Variants in C11orf65 observed in about 807,000 individuals in gnomAD.
C11orf65 encodes protein MFI.
In C11orf65, 38 loss-of-function variants were observed where a neutral mutation model predicts 35.3. The ratio of observed to expected loss-of-function variants is 1.08; its 90% CI spans 0.83 to 1.41. C11orf65 has a LOEUF of 1.41. Among genes scored for constraint, C11orf65 ranks in the 40% most tolerant of loss-of-function variants. C11orf65 has a pLI of 0.00. For missense variants in C11orf65, 370 were observed against 367.1 expected (o/e 1.01, Z -0.06); for synonymous variants, 105 against 114.4 (o/e 0.92, Z 0.53).
At chr11:108,378,460 C>T (rs1235168168), downstream of C11orf65, among the ~76,000 whole-genome samples, 18 of 135,338 alleles carry the variant, frequency 1.3e-4, no homozygotes, top group Non-Finnish European at 2.3e-4. Flanking sequence ...CCCTTCCTTA[C>T]ACCTTATACA....
chr11:108,322,875 C>T (rs1369724703), intron 6 of C11orf65, among the ~76,000 whole-genome samples: 1 of 151,344 alleles, frequency 6.6e-6, no homozygotes, highest in Admixed American at 6.6e-5. Context: ...TTTATCTCTG[C>T]CTTGCTACTA....
chr11:108,406,766 A>G lies in C11orf65; in HGVS notation c.426T>C (p.Asp142=), dbSNP rs1196865010. The G allele has an allele frequency of 2.1e-5, 34 of 1,589,926 alleles. No homozygotes were observed. Among genetic ancestry groups the G allele is most frequent in the African/African-American group, 2.7e-5 (2 of 74,650 alleles). ...IENNGWRPVS[D]TFWLSTDGMV... is the part of the protein sequence containing the mutation. ...ATTAACATTTCTCTTTTCTTACTGT[A>G]TCAGAAACTGGCCTCCAGCCATTGT... Residue 142 remains aspartate, a synonymous_variant, in exon 5 of 9, where the codon GAT becomes GAC. Coordinates refer to ENST00000393084, the MANE Select transcript of C11orf65 (RefSeq NM_152587.5).
At chr11:108,324,959 G>A (rs569408974) in intron 6 of C11orf65, among the ~76,000 whole-genome samples, 39 of 152,210 alleles carry the variant, frequency 2.6e-4, no homozygotes, top group African/African-American at 9.1e-4. Flanking sequence ...TATTGAAGCA[G>A]GACTAAAGAT....
intron 2 of C11orf65, among the ~76,000 whole-genome samples, chr11:108,437,707 TAAAAAAAAAAAAAAAAAAA>T (rs145337876): frequency 7.9e-5 from 3 of 38,032 alleles, no homozygotes; most frequent in African/African-American, 1.4e-4. Context: ...GACTCAGTCT[TAAAAAAAAAAAAAAAAAAA>T]AAAAAAAAAA....
At chr11:108,398,462 G>C (rs993171896) in intron 6 of C11orf65, among the ~76,000 whole-genome samples, 1 of 152,238 alleles carries the variant, frequency 6.6e-6, no homozygotes, top group Admixed American at 6.5e-5. Flanking sequence ...CGGAAGATTA[G>C]AAATTCAGTT....
In C11orf65 at chr11:108,431,797, T is replaced by TA; in HGVS notation, c.122dup (p.Leu41PhefsTer15). The TA allele has an allele frequency of 6.5e-7, 1 of 1,530,002 alleles. No individual in the cohort carries two copies. Among genetic ancestry groups the TA allele is most frequent in the Middle Eastern group, 1.8e-4 (1 of 5,692 alleles). The allele number at this position is 1,530,002 out of a possible 1,614,324, so 94.8% of individuals were successfully genotyped here. A position where few individuals can be genotyped will look rare whatever the true frequency, so the allele number is the denominator to read the frequency against. On this transcript the variant is annotated frameshift_variant, in exon 3 of 9. Transcript: ENST00000393084. LOFTEE classifies it high-confidence loss of function. Reference sequence around the variant, plus strand: ...TCTGACGTGGTTCTCCTTGTCTTCTTAAATCAATCAGACTTTTAAAGTGTT... The same window carrying TA: ...TCTGACGTGGTTCTCCTTGTCTTCTTAAAATCAATCAGACTTTTAAAGTGTT...
intron 6 of C11orf65, chr11:108,320,030 A>AC: frequency 6.2e-7 from 1 of 1,607,864 alleles, no homozygotes; most frequent in Non-Finnish European, 8.5e-7. Context: ...AGAATTCTCT[A>AC]CATTTTATGA....
intron 2 of C11orf65, among the ~76,000 whole-genome samples, chr11:108,351,847 C>G (rs967859158): frequency 6.6e-6 from 1 of 152,144 alleles, no homozygotes; most frequent in African/African-American, 2.4e-5. Flanking sequence ...ATACTGTTAC[C>G]TGCTAGTCTA....
At chr11:108,349,809 G>A (rs2088963586) in intron 2 of C11orf65, among the ~76,000 whole-genome samples, 2 of 152,098 alleles carry the variant, frequency 1.3e-5, no homozygotes, top group Non-Finnish European at 2.9e-5. Flanking sequence ...TGAAGATACA[G>A]GAGAAAAACA....
Position 108,373,638 on chromosome 11 carries a change from G to A in C11orf65, c.226+19570C>T, listed in dbSNP as rs563554553. 3.5e-4 allele frequency among the ~76,000 whole-genome samples: 53 copies of A among 152,350 alleles called. No homozygotes were observed. The East Asian group carries it at 6.2e-3, about 18-fold the overall frequency. On this transcript the variant is annotated intron_variant, in intron 2 of 3. Coordinates refer to the C11orf65 transcript ENST00000524755. ...TTTCTGCATTTCCATCTGAGATACC[G>A]GGTTCATCTCACTAGGGAGTGCCAG...
intron 2 of C11orf65, among the ~76,000 whole-genome samples, chr11:108,453,346 C>G (rs917881888): frequency 2.0e-5 from 3 of 149,528 alleles, no homozygotes; most frequent in African/African-American, 7.4e-5. Flanking sequence ...ACAGGAAGAA[C>G]AGATCAGATA....
At chr11:108,372,839 G>A (rs1591407840) in intron 2 of C11orf65, among the ~76,000 whole-genome samples, 2 of 152,228 alleles carry the variant, frequency 1.3e-5, no homozygotes, top group Admixed American at 1.3e-4. Context: ...CACTTTGGGA[G>A]GCCAAGGTGG....
chr11:108,417,912 A>G (rs1388131346), intron 3 of C11orf65, among the ~76,000 whole-genome samples: 1 of 151,906 alleles, frequency 6.6e-6, no homozygotes, highest in Non-Finnish European at 1.5e-5. Flanking sequence ...AACTTAAAGT[A>G]TGATAATAAA....
chr11:108,353,683 G>C (rs1001188916), intron 2 of C11orf65: 1 of 1,122,262 alleles, frequency 8.9e-7, no homozygotes, highest in Non-Finnish European at 1.4e-6. Flanking sequence ...GTGGTTTCTT[G>C]CCTTTGTAAA....
rs375118831 is a variant in C11orf65 at position 108,405,467 on chromosome 11, C to A, written c.522G>T (p.Lys174Asn). Residue 174 changes from lysine (K) to asparagine (N), a missense_variant, in exon 6 of 9, where the codon AAG (lysine) becomes AAT (asparagine). By Grantham distance (94) the Lys-to-Asn change is moderately conservative (BLOSUM62 0). Transcript: ENST00000393084. ...ACTCTATTTTTCTAAGTTTTCTTTT[C>A]TTTTCCAAATCTTGCCTTCTCTTCA... ...SKLKRRQDLE[K>N]KRKLRKIEWM... The A allele has an allele frequency of 1.1e-4, 171 of 1,613,072 alleles. No individual in the cohort carries two copies. The highest frequency in any genetic ancestry group is 1.3e-4 in the Non-Finnish European group (156 of 1,179,770).
At chr11:108,399,563 C>A (rs959054937) in intron 6 of C11orf65, among the ~76,000 whole-genome samples, 1 of 152,130 alleles carries the variant, frequency 6.6e-6, no homozygotes, top group South Asian at 2.1e-4. Context: ...CATATTCCCC[C>A]CTGTTAACTT....
intron 2 of C11orf65, among the ~76,000 whole-genome samples, chr11:108,446,551 G>A (rs1221167156): frequency 4.6e-5 from 7 of 151,884 alleles, no homozygotes; most frequent in East Asian, 1.9e-4. Context: ...CAGTGAAGGA[G>A]AAATAAAATA....
chr11:108,384,647 C>T (rs1271507746), intron 8 of C11orf65, among the ~76,000 whole-genome samples: 2 of 151,930 alleles, frequency 1.3e-5, no homozygotes, highest in African/African-American at 4.8e-5. Flanking sequence ...GTGGTGTGTG[C>T]CTATGGTCCC....
At chr11:108,449,950 A>T (rs918541056) in intron 2 of C11orf65, among the ~76,000 whole-genome samples, 3 of 152,002 alleles carry the variant, frequency 2.0e-5, no homozygotes, top group African/African-American at 7.3e-5. Context: ...GAGAAAAAAA[A>T]ACCCATCAAA....
Sources: allele counts gnomAD v4.1 joint callset (sites outside exome capture counted in the v4.1 genomes callset), GRCh38; gene constraint gnomAD v4.1.1; transcripts MANE v1.5; gene names NCBI Gene and HGNC (gene_info 2026-07-23, HGNC 2026-07-21).